GLG1: variants seen among roughly 807,000 people sequenced by gnomAD.
The protein encoded by GLG1 is Golgi apparatus protein 1.
In GLG1, 38 loss-of-function variants were observed where a neutral mutation model predicts 160.5. The observed-to-expected ratio is 0.24, with a 90% CI of 0.18 to 0.31. The LOEUF (loss-of-function observed/expected upper bound fraction) is 0.31. GLG1 is among the 10% of genes least tolerant of loss of function. The pLI is 1.00. For synonymous variants in GLG1, 644 were observed against 543.4 expected (o/e 1.19, Z -2.57); for missense variants, 1,373 against 1,505.2 (o/e 0.91, Z 1.45).
At chr16:74,520,711 T>C (rs971178002) in intron 2 of GLG1, among the ~76,000 whole-genome samples, 3 of 152,206 alleles carry the variant, frequency 2.0e-5, no homozygotes, top group African/African-American at 7.2e-5. Flanking sequence ...GAAATATCTT[T>C]ATATTACTTT....
At chr16:74,521,646 TA>T (rs2017167792) in intron 2 of GLG1, among the ~76,000 whole-genome samples, 1 of 152,130 alleles carries the variant, frequency 6.6e-6, no homozygotes, top group Non-Finnish European at 1.5e-5. Flanking sequence ...TGGAAATGAC[TA>T]TTAGACAAAG....
chr16:74,501,621 G>T (rs1263835978), intron 4 of GLG1, among the ~76,000 whole-genome samples: 1 of 152,202 alleles, frequency 6.6e-6, no homozygotes, highest in Non-Finnish European at 1.5e-5. Flanking sequence ...TCCACAGAGG[G>T]ACTGAAACGC....
chr16:74,482,174 TAG>T (rs2015625438), intron 10 of GLG1, among the ~76,000 whole-genome samples: 1 of 152,058 alleles, frequency 6.6e-6, no homozygotes, highest in Non-Finnish European at 1.5e-5. Flanking sequence ...TTAGTTTTTA[TAG>T]AGACAAGGTC....
At chr16:74,590,446 C>A (rs1958148969) in intron 1 of GLG1, among the ~76,000 whole-genome samples, 2 of 151,574 alleles carry the variant, frequency 1.3e-5, no homozygotes, top group Admixed American at 1.3e-4. Context: ...GGAGAAACCC[C>A]GTCTCTACTA....
chr16:74,606,271 A>G lies in GLG1; in HGVS notation c.438+386T>C, dbSNP rs144570283. Among the ~76,000 whole-genome samples the G allele has an allele frequency of 4.9e-4, 75 of 152,376 alleles. 1 individual carries two copies. Among genetic ancestry groups the G allele is most frequent in the Middle Eastern group, 3.4e-3 (1 of 294 alleles). The stretch of plus-strand genomic sequence containing the variant: ...GTACGCCAGGCATTTTTTTATGTTT[A>G]AATGGCTTGCCACAAATTGTCCTAG... On this transcript the variant is annotated intron_variant, in intron 1 of 25. Transcript: ENST00000422840.
chr16:74,500,153 A>G (rs1240288836), intron 4 of GLG1, among the ~76,000 whole-genome samples: 1 of 152,184 alleles, frequency 6.6e-6, no homozygotes, highest in Non-Finnish European at 1.5e-5. Context: ...TTATAACTGA[A>G]AGGCATATAA....
chr16:74,538,544 A>G (rs1184646934), intron 1 of GLG1, among the ~76,000 whole-genome samples: 2 of 152,130 alleles, frequency 1.3e-5, no homozygotes, highest in Non-Finnish European at 2.9e-5. Flanking sequence ...TATTTTTCTT[A>G]TTTGTACCCA....
At chr16:74,524,750 A>T (rs893811900) in intron 2 of GLG1, among the ~76,000 whole-genome samples, 2 of 152,206 alleles carry the variant, frequency 1.3e-5, no homozygotes, top group Non-Finnish European at 2.9e-5. Flanking sequence ...TAGAATTTAC[A>T]TTGTAAAATT....
intron 1 of GLG1, among the ~76,000 whole-genome samples, chr16:74,598,192 T>C (rs1958351326): frequency 6.6e-6 from 1 of 152,114 alleles, no homozygotes. Context: ...CACTGAGCAG[T>C]GTCTTGCACA....
intron 1 of GLG1, among the ~76,000 whole-genome samples, chr16:74,533,653 C>T (rs1296527003): frequency 1.3e-5 from 2 of 152,080 alleles, no homozygotes; most frequent in African/African-American, 4.8e-5. Flanking sequence ...TGGTGGCACG[C>T]GCCTATAGTC....
At chr16:74,510,895 G>A (rs1004669361) in intron 2 of GLG1, among the ~76,000 whole-genome samples, 1 of 152,274 alleles carries the variant, frequency 6.6e-6, no homozygotes, top group East Asian at 1.9e-4. Flanking sequence ...GGGATGGGGA[G>A]TTTGGTCAGG....
intron 23 of GLG1, 62 bp downstream of exon 23, chr16:74,459,618 TAA>T: frequency 1.2e-6 from 1 of 838,536 alleles, no homozygotes; most frequent in Non-Finnish European, 1.9e-6. Context: ...ACTACAGCAT[TAA>T]AAGGAAGAAG....
chr16:74,606,062 C>G (rs1362041653), intron 1 of GLG1, among the ~76,000 whole-genome samples: 1 of 152,148 alleles, frequency 6.6e-6, no homozygotes. Flanking sequence ...CAGCTTCAAA[C>G]GCTTCCCCAA....
At chr16:74,492,745 G>A (rs1282951458) in intron 7 of GLG1, among the ~76,000 whole-genome samples, 3 of 151,590 alleles carry the variant, frequency 2.0e-5, no homozygotes, top group Admixed American at 2.0e-4. Flanking sequence ...CGTGAACACG[G>A]AAGGCGGAGC....
intron 1 of GLG1, among the ~76,000 whole-genome samples, chr16:74,601,113 C>A (rs538938824): frequency 6.6e-6 from 1 of 152,176 alleles, no homozygotes; most frequent in Non-Finnish European, 1.5e-5. Flanking sequence ...TAAAGCCAAA[C>A]AATGTTTGGA....
chr16:74,572,622 G>A (rs184860402), intron 1 of GLG1, among the ~76,000 whole-genome samples: 3 of 152,058 alleles, frequency 2.0e-5, no homozygotes, highest in Admixed American at 1.3e-4. Context: ...TGCCTGGAGA[G>A]GGCATAGAAG....
intron 2 of GLG1, among the ~76,000 whole-genome samples, chr16:74,529,126 CCAGCTGATTTTGTAATTTTT>C (rs1221948413): frequency 6.6e-6 from 1 of 151,830 alleles, no homozygotes; most frequent in Non-Finnish European, 1.5e-5. Flanking sequence ...GCCACCACAC[CCAGCTGATTTTGTAATTTTT>C]AGTAGATATG....
At chr16:74,486,693 A>T (rs1261451157) in intron 8 of GLG1, among the ~76,000 whole-genome samples, 2 of 152,202 alleles carry the variant, frequency 1.3e-5, no homozygotes, top group Non-Finnish European at 2.9e-5. Flanking sequence ...TCTAAATTAA[A>T]ATCAAAAGAA....
At chr16:74,456,625 A>T in intron 25 of GLG1, 24 bp downstream of exon 25, 1 of 1,476,206 alleles carries the variant, frequency 6.8e-7, no homozygotes, top group Non-Finnish European at 9.4e-7. Context: ...TTTTTTTAAA[A>T]AAGGAGATTC....
Sources: gnomAD v4.1 joint callset for allele counts (sites outside exome capture counted in the v4.1 genomes callset) on GRCh38, gnomAD v4.1.1 for gene constraint, MANE v1.5 for transcripts, NCBI Gene and HGNC (gene_info 2026-07-23, HGNC 2026-07-21) for gene names.